TUBGCP2: variants seen among roughly 807,000 people sequenced by gnomAD.
The protein encoded by TUBGCP2 is gamma-tubulin complex component 2.
In TUBGCP2, 55 loss-of-function variants were observed where a neutral mutation model predicts 92.2. The ratio of observed to expected loss-of-function variants is 0.60; its 90% CI spans 0.48 to 0.75. TUBGCP2 has a LOEUF of 0.75. TUBGCP2 is among the 30% of genes least tolerant of loss of function. The pLI is 0.00. For missense variants in TUBGCP2, 1,093 were observed against 1,188.9 expected (o/e 0.92, Z 1.19); for synonymous variants, 533 against 505.2 (o/e 1.06, Z -0.74).
chr10:133,299,573 C>T lies in TUBGCP2; in HGVS notation c.310G>A (p.Glu104Lys). 1 of 1,613,048 alleles carries T rather than the reference C, an allele frequency of 6.2e-7. No homozygotes were observed. Among genetic ancestry groups the T allele is most frequent in the Non-Finnish European group, 8.5e-7 (1 of 1,179,506 alleles). Reference protein sequence around the residue: ...TLQYLQQNAKERAELAAAAVG... With the variant: ...TLQYLQQNAKKRAELAAAAVG... ...GCAGCGGCTGCAAGCTCAGCTCTTT[C>T]TTTTGCATTCTGTTGTAAGTACTGC... Residue 104 changes from glutamate (E) to lysine (K), a missense_variant, in exon 4 of 18, where the codon GAA (glutamate) becomes AAA (lysine). By Grantham distance (56) the Glu-to-Lys change is moderately conservative. This residue lies in a region of TUBGCP2 where 490 missense variants were observed against 488.5 expected (regional missense o/e 1.00). Transcript: ENST00000252936.
intron 9 of TUBGCP2, 42 bp from the exon 10 acceptor site, chr10:133,289,062 G>C (rs1428226654): frequency 6.3e-7 from 1 of 1,584,154 alleles, no homozygotes; most frequent in Non-Finnish European, 8.6e-7. Flanking sequence ...CCACATGGTC[G>C]ATCTCAGGCC....
At chr10:133,303,054 C>T in intron 1 of TUBGCP2, 74 bp from the exon 2 acceptor site, 1 of 1,385,222 alleles carries the variant, frequency 7.2e-7, no homozygotes, top group South Asian at 1.3e-5. Flanking sequence ...ACACTCAAGA[C>T]TGGCCAATGT....
chr10:133,312,246 A>G (rs1312741957), upstream of TUBGCP2: 13 of 1,346,078 alleles, frequency 9.7e-6, no homozygotes, highest in Admixed American at 1.1e-4. Context: ...TCCTAGCATG[A>G]CCTGTGCCGT....
upstream of TUBGCP2, chr10:133,312,258 T>G (rs990231078): frequency 5.7e-5 from 76 of 1,330,866 alleles, no homozygotes; most frequent in Admixed American, 2.7e-3. Context: ...CTGTGCCGTC[T>G]GCCTTTCTAG....
intron 15 of TUBGCP2, 110 bp downstream of exon 15, chr10:133,282,968 C>T: frequency 6.9e-7 from 1 of 1,446,228 alleles, no homozygotes; most frequent in Non-Finnish European, 9.4e-7. Flanking sequence ...AGCGGCTCCT[C>T]CACGAACACA....
Position 133,302,876 on chromosome 10 carries a change from T to C in TUBGCP2, c.66A>G (p.Gly22=). The change falls in exon 2 of 18, where the codon GGA becomes GGG. Residue 22 remains glycine (G), a synonymous_variant. Transcript: ENST00000252936. The part of the protein sequence containing the change: ...ELLSLLRVHG[G]DGAEVYIDLL... The stretch of plus-strand genomic sequence containing the variant: ...GGTCAATGTAGACCTCAGCCCCATC[T>C]CCTCCGTGGACACGCAGCAGGCTAA... 6.2e-7 allele frequency: 1 copy of C among 1,614,008 alleles called. No individual in the cohort carries two copies. The highest frequency in any genetic ancestry group is 1.1e-5 in the South Asian group (1 of 91,082).
At position 133,278,737 on chromosome 10, in the gene TUBGCP2, C is replaced by T. The variant is rs2275718; in HGVS notation, c.*1029G>A. 0.084 allele frequency: 12,712 copies of T among 152,134 alleles called. 1,135 individuals are homozygous for T. Among genetic ancestry groups the T allele is most frequent in the African/African-American group, 0.22 (9,206 of 41,422 alleles). 9.4% of individuals were successfully genotyped at this position (152,134 alleles called of 1,614,324 possible). On this transcript the variant is annotated 3_prime_UTR_variant, in exon 18 of 18. Coordinates refer to ENST00000252936, the MANE Select transcript of TUBGCP2 (RefSeq NM_006659.4). The stretch of plus-strand genomic sequence containing the variant: ...GTTGGACACCCCCACCCCCACTCGG[C>T]GGTGCTCTCAGTGAGGCAGCCCCGG...
chr10:133,306,660 C>T (rs868834055), intron 1 of TUBGCP2, among the ~76,000 whole-genome samples: 18 of 152,032 alleles, frequency 1.2e-4, no homozygotes, highest in Middle Eastern at 3.4e-3. Context: ...TGGTGGCGGG[C>T]GCTTGTAGTC....
In TUBGCP2 at chr10:133,288,933, G is replaced by A. The variant is rs758587313; in HGVS notation, c.1448C>T (p.Ala483Val). 9 of 1,614,096 alleles carry A rather than the reference G, an allele frequency of 5.6e-6. No homozygotes were observed. The highest frequency in any genetic ancestry group is 2.7e-5 in the African/African-American group (2 of 74,940). Residue 483 changes from alanine (A) to valine (V), a missense_variant, in exon 10 of 18, where the codon GCG becomes GTG. Physicochemically the swap from Ala to Val is moderately conservative, Grantham distance 64 (BLOSUM62 0). This residue lies in a region of TUBGCP2 where 598 missense variants were observed against 675.5 expected (regional missense o/e 0.89). Coordinates refer to ENST00000252936, the MANE Select transcript of TUBGCP2 (RefSeq NM_006659.4). ...KEIIYTLKER[A>V]YVEQIEKAFN... The stretch of plus-strand genomic sequence containing the variant: ...CGCCTTCTCGATCTGCTCCACATAC[G>A]CCCGCTCTTTTAACGTGTAGATGAT...
intron 8 of TUBGCP2, chr10:133,291,108 TAAGG>T (rs1847275341): frequency 3.4e-6 from 1 of 292,256 alleles, no homozygotes; most frequent in Admixed American, 4.9e-5. Context: ...CACAAAAGAA[TAAGG>T]CCATAAGCAG....
upstream of TUBGCP2, chr10:133,309,350 C>G (rs759721021): frequency 1.3e-6 from 2 of 1,594,746 alleles, no homozygotes; most frequent in Admixed American, 1.7e-5. Flanking sequence ...GGGCGTGCCG[C>G]GAGTCACCTG....
At position 133,282,295 on chromosome 10, in the gene TUBGCP2, C is replaced by T. The variant is rs754363578; in HGVS notation, c.2337G>A (p.Thr779=). ...GCCCCAGGACGGTGCTGTGCTCCAGCGTCTGCCCGCCCAGCTCGCCATCTA... is the reference window on the plus strand; with the variant it reads ...GCCCCAGGACGGTGCTGTGCTCCAGTGTCTGCCCGCCCAGCTCGCCATCTA... ...MKLDGELGGQ[T]LEHSTVLGLP... The change falls in exon 16 of 18, where the codon ACG becomes ACA. Residue 779 remains threonine (T), a synonymous_variant. Coordinates refer to ENST00000252936, the MANE Select transcript of TUBGCP2 (RefSeq NM_006659.4). 7.5e-6 allele frequency: 12 copies of T among 1,606,590 alleles called. No homozygotes were observed. The highest frequency in any genetic ancestry group is 1.7e-4 in the Middle Eastern group (1 of 6,054).
intron 11 of TUBGCP2, among the ~76,000 whole-genome samples, chr10:133,286,889 A>G (rs189033404): frequency 5.9e-5 from 9 of 152,362 alleles, no homozygotes; most frequent in Middle Eastern, 3.4e-3. Context: ...GGATGTTTAC[A>G]GCTGTAAACT....
At chr10:133,309,087 GT>G, upstream of TUBGCP2, 2 of 1,313,388 alleles carry the variant, frequency 1.5e-6, no homozygotes, top group Non-Finnish European at 1.9e-6. Context: ...GGGAGCACCA[GT>G]TCTTCGAGGT....
intron 1 of TUBGCP2, chr10:133,308,413 G>A (rs1243535857): frequency 1.3e-5 from 2 of 152,280 alleles, no homozygotes; most frequent in South Asian, 2.1e-4. Context: ...AATTAAAAAC[G>A]GTTACAATAA....
At position 133,293,782 on chromosome 10, in the gene TUBGCP2, A is replaced by G; in HGVS notation, c.617-13T>C. 1.9e-6 allele frequency: 3 copies of G among 1,570,594 alleles called. No homozygotes were observed. Among genetic ancestry groups the G allele is most frequent in the Non-Finnish European group, 2.6e-6 (3 of 1,158,776 alleles). ...AGGGGCAACGTGCCTGCGGGCACAG[A>G]CAGCGCTGTGGCTCTGCAGCCCCCA... On this transcript the variant is annotated splice_polypyrimidine_tract_variant and intron_variant, in intron 5 of 17. Coordinates refer to ENST00000252936, the MANE Select transcript of TUBGCP2 (RefSeq NM_006659.4).
intron 11 of TUBGCP2, among the ~76,000 whole-genome samples, chr10:133,286,100 G>A (rs111575557): frequency 1.3e-4 from 20 of 152,174 alleles, no homozygotes; most frequent in East Asian, 5.8e-4. Flanking sequence ...CAAAACCATC[G>A]CACAACGACA....
upstream of TUBGCP2, chr10:133,311,935 G>C: frequency 3.7e-6 from 6 of 1,613,088 alleles, no homozygotes; most frequent in Non-Finnish European, 5.1e-6. Context: ...TTCTCATACT[G>C]AATTCAGAAA....
intron 2 of TUBGCP2, among the ~76,000 whole-genome samples, chr10:133,300,838 G>A (rs535739077): frequency 9.3e-4 from 142 of 152,282 alleles, no homozygotes; most frequent in South Asian, 1.9e-3. Context: ...TAGTTTATGC[G>A]TTCATTGTAT....
Sources: allele counts gnomAD v4.1 joint callset (sites outside exome capture counted in the v4.1 genomes callset), GRCh38; gene constraint gnomAD v4.1.1; regional missense constraint gnomAD v4.1.1; transcripts MANE v1.5; gene names NCBI Gene and HGNC (gene_info 2026-07-23, HGNC 2026-07-21).